The following CREB5 variants were observed in gnomAD, a reference collection of about 807,000 sequenced individuals.
The protein encoded by CREB5 is cAMP responsive element binding protein 5, also known as cyclic AMP-responsive element-binding protein 5.
Under a neutral mutation model 57.1 loss-of-function variants are expected in CREB5, and 19 were observed. That is an observed-to-expected ratio of 0.33 (90% CI 0.23 to 0.49). The LOEUF is 0.49. CREB5 is among the 20% of genes least tolerant of loss of function. The pLI, the probability that CREB5 is intolerant of heterozygous loss-of-function variation, is 0.99. For missense variants in CREB5, 579 were observed against 671.6 expected (o/e 0.86, Z 1.52); for synonymous variants, 238 against 238.3 (o/e 1.00, Z 0.01).
intron 5 of CREB5, among the ~76,000 whole-genome samples, chr7:28,680,750 C>T (rs950312771): frequency 1.4e-5 from 2 of 146,178 alleles, no homozygotes; most frequent in African/African-American, 5.1e-5. Flanking sequence ...CAGAACAAGA[C>T]ACTGTATCAA....
chr7:28,529,334 G>A (rs950462838), intron 4 of CREB5, among the ~76,000 whole-genome samples: 2 of 149,350 alleles, frequency 1.3e-5, no homozygotes, highest in Non-Finnish European at 1.5e-5. Flanking sequence ...GCACTTCCCT[G>A]TGCTCCCTGC....
chr7:28,435,694 T>G, intron 1 of CREB5: 2 of 983,692 alleles, frequency 2.0e-6, no homozygotes, highest in Non-Finnish European at 2.4e-6. Context: ...TCAGGGTAAG[T>G]GGTGGGGTTG....
At chr7:28,802,159 ACTT>A (rs967035175) in intron 7 of CREB5, among the ~76,000 whole-genome samples, 3 of 150,134 alleles carry the variant, frequency 2.0e-5, no homozygotes, top group African/African-American at 7.3e-5. Flanking sequence ...AGGATGCTGA[ACTT>A]CTTCAGGATT....
At chr7:28,353,882 C>T (rs1419291840) in intron 1 of CREB5, among the ~76,000 whole-genome samples, 1 of 149,266 alleles carries the variant, frequency 6.7e-6, no homozygotes, top group Non-Finnish European at 1.5e-5. Context: ...AGTAGGAAAA[C>T]TGAAAGTAGC....
chr7:28,791,704 AAAG>A (rs1166623990), intron 7 of CREB5, among the ~76,000 whole-genome samples: 1 of 152,232 alleles, frequency 6.6e-6, no homozygotes, highest in Admixed American at 6.5e-5. Flanking sequence ...TTGAGCTGGA[AAAG>A]AAGACAGATC....
At chr7:28,603,628 A>G (rs1230067160) in intron 5 of CREB5, among the ~76,000 whole-genome samples, 2 of 152,234 alleles carry the variant, frequency 1.3e-5, no homozygotes, top group African/African-American at 4.8e-5. Flanking sequence ...CTAATGAGCA[A>G]TGAGTACAAT....
At chr7:28,542,729 A>G (rs1260746007) in intron 4 of CREB5, among the ~76,000 whole-genome samples, 1 of 152,154 alleles carries the variant, frequency 6.6e-6, no homozygotes, top group Non-Finnish European at 1.5e-5. Flanking sequence ...TAATTCCATC[A>G]AGGGGCTTTG....
chr7:28,419,857 TA>T (rs1429521884), intron 1 of CREB5, among the ~76,000 whole-genome samples: 1 of 152,244 alleles, frequency 6.6e-6, no homozygotes, highest in Non-Finnish European at 1.5e-5. Context: ...ACACATTGTT[TA>T]CAATTTTGTC....
intron 7 of CREB5, among the ~76,000 whole-genome samples, chr7:28,726,931 G>C (rs1265280090): frequency 1.3e-5 from 2 of 152,012 alleles, no homozygotes; most frequent in Non-Finnish European, 2.9e-5. Flanking sequence ...GTTTAAGACA[G>C]GATTGCTTTA....
intron 5 of CREB5, among the ~76,000 whole-genome samples, chr7:28,714,849 A>G (rs1802590289): frequency 6.6e-6 from 1 of 152,214 alleles, no homozygotes; most frequent in Admixed American, 6.5e-5. Flanking sequence ...CCATGCCTCA[A>G]TAATTTTTAG....
chr7:28,355,703 G>A (rs183421365), intron 1 of CREB5, among the ~76,000 whole-genome samples: 89 of 152,266 alleles, frequency 5.8e-4, no homozygotes, highest in Middle Eastern at 3.4e-3. Flanking sequence ...GTCATCTGAG[G>A]TCTGCCATCA....
chr7:28,549,461 A>T (rs1197888158), intron 4 of CREB5, among the ~76,000 whole-genome samples: 1 of 152,238 alleles, frequency 6.6e-6, no homozygotes, highest in Non-Finnish European at 1.5e-5. Context: ...TCTGATTTAT[A>T]CTTAAGACTG....
At chr7:28,799,293 G>GT (rs1808232942) in intron 7 of CREB5, among the ~76,000 whole-genome samples, 1 of 152,168 alleles carries the variant, frequency 6.6e-6, no homozygotes, top group African/African-American at 2.4e-5. Context: ...ATCTAAGTGT[G>GT]TATTTCTTCT....
chr7:28,689,557 A>G (rs6977562), intron 5 of CREB5, among the ~76,000 whole-genome samples: 23,966 of 152,152 alleles, frequency 0.16, 2,082 homozygotes, highest in Admixed American at 0.21. Flanking sequence ...GTTGTAGTAC[A>G]TTACTACAAT....
At chr7:28,718,686 CT>C in intron 5 of CREB5, 66 bp from the exon 6 acceptor site, 1 of 1,595,182 alleles carries the variant, frequency 6.3e-7, no homozygotes, top group South Asian at 1.1e-5. Context: ...CCCTGCTGTT[CT>C]GGACACTGGG....
At chr7:28,540,493 A>C (rs1489173475) in intron 4 of CREB5, among the ~76,000 whole-genome samples, 3 of 152,118 alleles carry the variant, frequency 2.0e-5, no homozygotes, top group African/African-American at 7.2e-5. Flanking sequence ...TGCACAAGGG[A>C]TACGGGAGGA....
intron 7 of CREB5, among the ~76,000 whole-genome samples, chr7:28,727,623 G>A (rs2128750421): frequency 6.6e-6 from 1 of 152,294 alleles, no homozygotes; most frequent in South Asian, 2.1e-4. Context: ...AGCTTTGAAA[G>A]AGGTTTTTGT....
At position 28,488,619 on chromosome 7, in the gene CREB5, G is replaced by C. The variant is rs542402125; in HGVS notation, c.75+373G>C. Among the ~76,000 whole-genome samples the C allele has an allele frequency of 3.6e-4, 55 of 152,280 alleles. No homozygotes were observed. In the South Asian group the frequency reaches 3.7e-3, roughly 10 times the overall value. The stretch of plus-strand genomic sequence containing the variant: ...CTTGAATATACTGGCTGGGCTTCGA[G>C]ATTACTGATGAAATAGCTTAACACC... On this transcript the variant is annotated intron_variant, in intron 2 of 10. Coordinates refer to ENST00000357727, the MANE Select transcript of CREB5 (RefSeq NM_182898.4).
At chr7:28,650,596 C>CG (rs1258471499) in intron 5 of CREB5, among the ~76,000 whole-genome samples, 4 of 152,110 alleles carry the variant, frequency 2.6e-5, no homozygotes, top group Admixed American at 6.5e-5. Context: ...GTGCTTCCCC[C>CG]CCCAACCTTC....
Sources: allele counts gnomAD v4.1 joint callset (sites outside exome capture counted in the v4.1 genomes callset), GRCh38; gene constraint gnomAD v4.1.1; transcripts MANE v1.5; gene names NCBI Gene and HGNC (gene_info 2026-07-23, HGNC 2026-07-21).